Variants in ICA1 observed in about 807,000 individuals in gnomAD.
ICA1 encodes 69 kDa islet cell autoantigen.
A neutral mutation model predicts 71.0 loss-of-function variants in ICA1; 40 were observed. The ratio of observed to expected loss-of-function variants is 0.56; its 90% confidence interval spans 0.44 to 0.73. ICA1 has a LOEUF of 0.73. Among genes scored for constraint, ICA1 ranks in the 30% least tolerant of loss-of-function variants. The probability of loss-of-function intolerance (pLI) is 0.00; values close to 1 mark genes in which losing one functional copy is unlikely to be tolerated. For synonymous variants in ICA1, 207 were observed against 209.5 expected (o/e 0.99, Z 0.10); for missense variants, 578 against 576.5 (o/e 1.00, Z -0.03).
At chr7:8,257,229 A>G (rs938854597) in intron 1 of ICA1, among the ~76,000 whole-genome samples, 69 of 152,326 alleles carry the variant, frequency 4.5e-4, no homozygotes, top group African/African-American at 1.5e-3. Flanking sequence ...TCCTATGACT[A>G]AGGAGAGGGG....
rs1340013923 is a variant in ICA1, at chr7:8,221,379, G to A, written c.276C>T (p.Asn92=). The A allele has an allele frequency of 1.5e-5, 25 of 1,613,360 alleles. No individual in the cohort carries two copies. The highest frequency in any genetic ancestry group is 1.9e-5 in the Non-Finnish European group (23 of 1,179,508). ...KRICFLSQEE[N]ELGKFLRSQG... The stretch of plus-strand genomic sequence containing the variant: ...GGGATCGAAGAAATTTTCCCAGTTC[G>A]TTTTCTTCTTGAGACAAGACTGATG... The change falls in exon 5 of 14, where the codon AAC becomes AAT. Residue 92 remains asparagine (N), a synonymous_variant. Coordinates refer to ENST00000402384, the MANE Select transcript of ICA1 (RefSeq NM_001136020.3).
intron 6 of ICA1, among the ~76,000 whole-genome samples, chr7:8,172,867 A>T (rs1808897186): frequency 6.6e-6 from 1 of 152,180 alleles, no homozygotes; most frequent in South Asian, 2.1e-4. Context: ...GTTCTTTCTG[A>T]GACATAATTC....
intron 1 of ICA1, chr7:8,237,022 C>T (rs1459260503): frequency 1.3e-5 from 2 of 152,210 alleles, no homozygotes; most frequent in African/African-American, 4.8e-5. Flanking sequence ...TATTTAAAAA[C>T]ATTTCAAGGG....
Position 8,234,684 on chromosome 7 carries a change from T to C in ICA1, c.17+1226A>G, listed in dbSNP as rs1379749399. ...GTAGGATTATGGGAGACTTTCATGG[T>C]CTACTTTATATCTTTCTGCATTATT... On this transcript the variant is annotated intron_variant, in intron 2 of 13. Transcript: ENST00000402384. The surrounding 1 kb of genome is among the most constrained non-coding windows in gnomAD (Gnocchi z 4.5). Among the ~76,000 whole-genome samples the C allele has an allele frequency of 7.9e-5, 12 of 152,232 alleles. No individual in the cohort carries two copies. Among genetic ancestry groups the C allele is most frequent in the Non-Finnish European group, 1.3e-4 (9 of 68,040 alleles).
chr7:8,160,065 G>A (rs957656601), intron 6 of ICA1, among the ~76,000 whole-genome samples: 2 of 152,094 alleles, frequency 1.3e-5, no homozygotes, highest in African/African-American at 4.8e-5. Context: ...CTAGCAACCT[G>A]GCGCAAAGCA....
In ICA1 at chr7:8,137,460, T is replaced by C. The variant is rs558174019; in HGVS notation, c.1060+1380A>G. On this transcript the variant is annotated intron_variant, in intron 12 of 13. Transcript: ENST00000402384. ...GGTACCTAGGTTTGTTCTATTATTG[T>C]CTTTACCTGACTTTGGTAAGAATAA... is the stretch of plus-strand genomic sequence containing the variant. 5.3e-4 allele frequency among the ~76,000 whole-genome samples: 80 copies of C among 152,348 alleles called. 1 individual carries two copies. The highest frequency in any genetic ancestry group is 9.0e-4 in the Non-Finnish European group (61 of 68,032).
rs1054748595 is a variant in ICA1, at chr7:8,144,187, C to T, written c.805-215G>A. On this transcript the variant is annotated intron_variant, in intron 8 of 13. Transcript: ENST00000402384. The surrounding 1 kb of genome is among the most constrained non-coding windows in gnomAD (Gnocchi z 4.5). ...AAGCAACAATGTTCTCAGACACATCCGAGAAATACTAGCATATATAGCAGA... is the reference window on the plus strand; with the variant it reads ...AAGCAACAATGTTCTCAGACACATCTGAGAAATACTAGCATATATAGCAGA... 3.3e-5 allele frequency among the ~76,000 whole-genome samples: 5 copies of T among 152,040 alleles called. No individual in the cohort carries two copies. The highest frequency in any genetic ancestry group is 6.6e-5 in the Admixed American group (1 of 15,262).
Position 8,223,897 on chromosome 7 carries a change from G to A in ICA1, c.257-2499C>T, listed in dbSNP as rs1797847188. On this transcript the variant is annotated intron_variant, in intron 4 of 13. Transcript: ENST00000402384. The surrounding 1 kb of genome is among the most constrained non-coding windows in gnomAD (Gnocchi z 4.1). ...ACTTGCTAATTAGGTTTTCAGATGT[G>A]CCGTTAAAAACAAGGCAACTATGGA... is the stretch of plus-strand genomic sequence containing the variant. Among the ~76,000 whole-genome samples, 1 of 152,180 alleles carries A rather than the reference G, an allele frequency of 6.6e-6. No individual in the cohort carries two copies. The highest frequency in any genetic ancestry group is 2.4e-5 in the African/African-American group (1 of 41,436).
At chr7:8,205,557 C>A (rs972820138) in intron 6 of ICA1, among the ~76,000 whole-genome samples, 2 of 152,024 alleles carry the variant, frequency 1.3e-5, no homozygotes, top group Non-Finnish European at 2.9e-5. Context: ...ATTAGGAGAC[C>A]CTTATGAGAG....
At chr7:8,177,236 G>A (rs746387372) in intron 6 of ICA1, among the ~76,000 whole-genome samples, 38 of 152,178 alleles carry the variant, frequency 2.5e-4, no homozygotes, top group Non-Finnish European at 4.6e-4. Context: ...ATTCACAATC[G>A]TGTAGTTTAT....
chr7:8,141,353 G>A (rs1364562331), intron 10 of ICA1, among the ~76,000 whole-genome samples: 1 of 152,164 alleles, frequency 6.6e-6, no homozygotes, highest in Non-Finnish European at 1.5e-5. Flanking sequence ...TTCCAACATT[G>A]ACAAACATCC....
chr7:8,233,361 G>A (rs960097389), intron 2 of ICA1, among the ~76,000 whole-genome samples: 1 of 152,054 alleles, frequency 6.6e-6, no homozygotes, highest in East Asian at 1.9e-4. Flanking sequence ...AAGCTCTAGA[G>A]ATCTGCTGTG....
chr7:8,255,532 C>T (rs922738410), intron 1 of ICA1, among the ~76,000 whole-genome samples: 16 of 152,176 alleles, frequency 1.1e-4, no homozygotes, highest in Non-Finnish European at 1.8e-4. Flanking sequence ...ACTTCCATGG[C>T]TTCAACTGCC....
rs1791878869 is a variant in ICA1 at position 8,132,578 on chromosome 7, A to T, written c.1061-4436T>A. Among the ~76,000 whole-genome samples, 1 of 152,168 alleles carries T rather than the reference A, an allele frequency of 6.6e-6. No homozygotes were observed. The stretch of plus-strand genomic sequence containing the variant: ...TTTCCCAGGCCTTTACCTGTACAGC[A>T]TCATTTGTACCACTGCCCAGCCTGG... On this transcript the variant is annotated intron_variant, in intron 12 of 13. Transcript: ENST00000402384. This position sits in a 1 kb window ranked among gnomAD's most constrained non-coding sequence, Gnocchi z 4.5.
intron 6 of ICA1, among the ~76,000 whole-genome samples, chr7:8,217,002 T>C (rs1044967224): frequency 5.3e-5 from 8 of 152,236 alleles, no homozygotes; most frequent in African/African-American, 1.4e-4. Flanking sequence ...TTGGCCTGAT[T>C]AGAAAGTTAG....
intron 6 of ICA1, among the ~76,000 whole-genome samples, chr7:8,213,207 C>G (rs3757511): frequency 0.43 from 64,835 of 152,100 alleles, 14,835 homozygotes; most frequent in African/African-American, 0.61. Flanking sequence ...AAAAGAAATT[C>G]TCCTCATAAA....
intron 2 of ICA1, among the ~76,000 whole-genome samples, chr7:8,233,111 T>C (rs1391348023): frequency 6.6e-6 from 1 of 151,650 alleles, no homozygotes; most frequent in Non-Finnish European, 1.5e-5. Flanking sequence ...GAGTCAGAGA[T>C]AAAGCCAGAC....
At chr7:8,128,639 A>G (rs1319161348) in intron 12 of ICA1, among the ~76,000 whole-genome samples, 1 of 13,344 alleles carries the variant, frequency 7.5e-5, no homozygotes, top group African/African-American at 3.6e-4. Context: ...AGTGAAGGGG[A>G]GGATGTCCAG....
At chr7:8,167,622 C>G (rs528998681) in intron 6 of ICA1, among the ~76,000 whole-genome samples, 3 of 152,140 alleles carry the variant, frequency 2.0e-5, no homozygotes, top group Admixed American at 2.0e-4. Context: ...ACCCCTGAAC[C>G]TAAAATAAAT....
Sources: gnomAD v4.1 joint callset for allele counts (sites outside exome capture counted in the v4.1 genomes callset) on GRCh38, gnomAD v4.1.1 for gene constraint, Gnocchi (gnomAD v3.1) non-coding constraint, MANE v1.5 for transcripts, NCBI Gene and HGNC (gene_info 2026-07-23, HGNC 2026-07-21) for gene names.